The following CACNA1D variants were observed in gnomAD, a reference collection of about 807,000 sequenced individuals.
CACNA1D encodes calcium voltage-gated channel subunit alpha1 D, also known as voltage-dependent L-type calcium channel subunit alpha-1D.
In CACNA1D, 55 loss-of-function variants were observed where a neutral mutation model predicts 257.1. The ratio of observed to expected loss-of-function variants is 0.21; its 90% confidence interval spans 0.17 to 0.27. The LOEUF is 0.27. CACNA1D is among the 10% of genes least tolerant of loss of function. The pLI, the probability that CACNA1D is intolerant of heterozygous loss-of-function variation, is 1.00. For synonymous variants in CACNA1D, 980 were observed against 1,014.9 expected (o/e 0.97, Z 0.65); for missense variants, 1,876 against 2,784.0 (o/e 0.67, Z 7.34).
intron 28 of CACNA1D, among the ~76,000 whole-genome samples, chr3:53,752,892 T>C (rs2095238376): frequency 6.6e-6 from 1 of 152,246 alleles, no homozygotes; most frequent in South Asian, 2.1e-4. Context: ...TTGAGTTTAA[T>C]TGGCCAAGTC....
At chr3:53,733,952 GTA>G (rs34895302) in intron 19 of CACNA1D, among the ~76,000 whole-genome samples, 5,956 of 80,128 alleles carry the variant, frequency 0.074, 160 homozygotes, top group Middle Eastern at 0.12. Context: ...GTGTGTGTGT[GTA>G]TGTATGTATG....
At chr3:53,596,264 C>T (rs189217026) in intron 3 of CACNA1D, among the ~76,000 whole-genome samples, 5 of 152,114 alleles carry the variant, frequency 3.3e-5, no homozygotes, top group Admixed American at 3.3e-4. Flanking sequence ...CTCCCTGTAC[C>T]CTTTGAGTGC....
intron 9 of CACNA1D, among the ~76,000 whole-genome samples, chr3:53,711,042 G>A (rs1447723013): frequency 1.3e-5 from 2 of 152,164 alleles, no homozygotes; most frequent in Non-Finnish European, 2.9e-5. Flanking sequence ...ACTAGCCTGG[G>A]CAACAAAGTG....
At chr3:53,733,010 C>G (rs2095014310) in intron 19 of CACNA1D, 48 bp downstream of exon 19, 1 of 1,605,052 alleles carries the variant, frequency 6.2e-7, no homozygotes, top group Non-Finnish European at 8.5e-7. Context: ...TGCCAGTGAC[C>G]CTACAGGTTG....
chr3:53,698,060 A>G (rs953285334), intron 8 of CACNA1D, among the ~76,000 whole-genome samples: 4 of 152,208 alleles, frequency 2.6e-5, no homozygotes, highest in South Asian at 2.1e-4. Context: ...AAATATATGC[A>G]TTTCCGTACA....
In CACNA1D at chr3:53,497,374, C is replaced by T. The variant is rs769128755; in HGVS notation, c.290C>T (p.Ser97Leu). 2.3e-5 allele frequency: 37 copies of T among 1,614,100 alleles called. No individual in the cohort carries two copies. In the South Asian group the frequency reaches 3.4e-4, roughly 15 times the overall value. Reference protein sequence around the residue: ...QYAKSKKQGNSSNSRPARALF... With the variant: ...QYAKSKKQGNLSNSRPARALF... ...GCCAAGAGCAAAAAACAGGGTAACT[C>T]GTCCAACAGCCGACCTGCCCGCGCC... Residue 97 changes from serine to leucine, a missense_variant, in exon 2 of 48, where the codon TCG (serine) becomes TTG (leucine). By Grantham distance (145) the Ser-to-Leu change is moderately radical. Coordinates refer to ENST00000350061, the MANE Select transcript of CACNA1D (RefSeq NM_001128840.3).
chr3:53,636,651 G>T (rs2093887798), intron 3 of CACNA1D, among the ~76,000 whole-genome samples: 1 of 152,206 alleles, frequency 6.6e-6, no homozygotes, highest in African/African-American at 2.4e-5. Flanking sequence ...TGTGCAATGT[G>T]ATATTTTCCA....
chr3:53,558,958 A>G (rs774089820), intron 3 of CACNA1D, among the ~76,000 whole-genome samples: 2 of 152,126 alleles, frequency 1.3e-5, no homozygotes, highest in Non-Finnish European at 2.9e-5. Flanking sequence ...TTTTTCCTAC[A>G]CAACACCGTT....
At position 53,495,985 on chromosome 3, in the gene CACNA1D, C is replaced by G. The variant is rs1462143502; in HGVS notation, c.67+752C>G. Among the ~76,000 whole-genome samples, 1 of 152,252 alleles carries G rather than the reference C, an allele frequency of 6.6e-6. No individual in the cohort carries two copies. The highest frequency in any genetic ancestry group is 2.4e-5 in the African/African-American group (1 of 41,470). Reference sequence around the variant, plus strand: ...GGAGACCGCCAGTGCCCCCCAACCCCTGTCGGCTGGAAGCCTTTCCGGGTG... The same window carrying G: ...GGAGACCGCCAGTGCCCCCCAACCCGTGTCGGCTGGAAGCCTTTCCGGGTG... On this transcript the variant is annotated intron_variant, in intron 1 of 47. Coordinates refer to ENST00000350061, the MANE Select transcript of CACNA1D (RefSeq NM_001128840.3). This position sits in a 1 kb window ranked among gnomAD's most constrained non-coding sequence, Gnocchi z 5.1.
chr3:53,711,549 G>A (rs1250658804), intron 9 of CACNA1D, among the ~76,000 whole-genome samples: 5 of 152,320 alleles, frequency 3.3e-5, no homozygotes, highest in Middle Eastern at 3.4e-3. Context: ...CACCAGGATC[G>A]GCCCTGGTCA....
intron 32 of CACNA1D, among the ~76,000 whole-genome samples, chr3:53,772,503 C>T (rs1377497302): frequency 2.0e-5 from 3 of 152,118 alleles, no homozygotes; most frequent in African/African-American, 7.2e-5. Flanking sequence ...ATAATTTCAC[C>T]CCAAAAATCC....
intron 3 of CACNA1D, among the ~76,000 whole-genome samples, chr3:53,598,150 G>A (rs948943046): frequency 2.0e-5 from 3 of 152,142 alleles, no homozygotes; most frequent in Non-Finnish European, 4.4e-5. Flanking sequence ...GTGCTTGGCA[G>A]TAAGAATAGT....
chr3:53,699,107 A>G (rs2094598054), intron 8 of CACNA1D, among the ~76,000 whole-genome samples: 1 of 152,186 alleles, frequency 6.6e-6, no homozygotes, highest in East Asian at 1.9e-4. Context: ...TTTCAGGATC[A>G]GAGGGTCAGT....
Position 53,751,838 on chromosome 3 carries a change from G to A in CACNA1D, c.3606G>A (p.Val1202=), listed in dbSNP as rs2095229053. 1 of 1,614,054 alleles carries A rather than the reference G, an allele frequency of 6.2e-7. No homozygotes were observed. The highest frequency in any genetic ancestry group is 8.5e-7 in the Non-Finnish European group (1 of 1,179,958). ...NPYQYKFWYV[V]NSSPFEYMMF... is the part of the protein sequence containing the mutation. The stretch of plus-strand genomic sequence containing the variant: ...ACCAGTACAAGTTCTGGTACGTGGT[G>A]AACTCTTCGCCTTTCGAATACATGA... The change falls in exon 28 of 48, where the codon GTG becomes GTA. Residue 1202 remains valine, a synonymous_variant. Transcript: ENST00000350061. This position sits in a 1 kb window ranked among gnomAD's most constrained non-coding sequence, Gnocchi z 4.3.
At chr3:53,527,351 TAAG>T (rs1382765516) in intron 3 of CACNA1D, among the ~76,000 whole-genome samples, 1 of 152,212 alleles carries the variant, frequency 6.6e-6, no homozygotes, top group Non-Finnish European at 1.5e-5. Flanking sequence ...TTCATCAAAA[TAAG>T]AAGCCTTGAG....
At chr3:53,640,279 T>A (rs1241484850) in intron 3 of CACNA1D, among the ~76,000 whole-genome samples, 2 of 152,168 alleles carry the variant, frequency 1.3e-5, no homozygotes, top group Non-Finnish European at 2.9e-5. Context: ...ACATTCCCAT[T>A]GCCATCCAAT....
intron 8 of CACNA1D, among the ~76,000 whole-genome samples, chr3:53,695,374 A>G (rs1183253232): frequency 6.6e-6 from 1 of 152,196 alleles, no homozygotes; most frequent in East Asian, 1.9e-4. Context: ...CGAGACCCTC[A>G]GCAGGCATCC....
chr3:53,506,855 T>C (rs531290206), intron 3 of CACNA1D, among the ~76,000 whole-genome samples: 1 of 152,322 alleles, frequency 6.6e-6, no homozygotes, highest in South Asian at 2.1e-4. Flanking sequence ...CAATGTTGTA[T>C]ATTAGCCACA....
chr3:53,501,749 C>T (rs1365324456), intron 3 of CACNA1D, 29 bp downstream of exon 3: 2 of 1,219,728 alleles, frequency 1.6e-6, no homozygotes, highest in South Asian at 1.2e-5. Context: ...CCTGCTGGTC[C>T]TGGTATATGG....
Sources: gnomAD v4.1 joint callset for allele counts (sites outside exome capture counted in the v4.1 genomes callset) on GRCh38, gnomAD v4.1.1 for gene constraint, Gnocchi (gnomAD v3.1) non-coding constraint, MANE v1.5 for transcripts, NCBI Gene and HGNC (gene_info 2026-07-23, HGNC 2026-07-21) for gene names.